The following ACSM5 variants were observed in gnomAD, a reference collection of about 807,000 sequenced individuals.
ACSM5 encodes acyl-coenzyme A synthetase ACSM5, mitochondrial.
In ACSM5, 56 loss-of-function variants were observed where a neutral mutation model predicts 71.6. The observed-to-expected ratio is 0.78, with a 90% confidence interval of 0.63 to 0.98. The LOEUF (loss-of-function observed/expected upper bound fraction) is 0.98. Among genes scored for constraint, ACSM5 ranks in the 50% least tolerant of loss-of-function variants. The probability of loss-of-function intolerance (pLI) is 0.00; values close to 1 mark genes in which losing one functional copy is unlikely to be tolerated. For synonymous variants in ACSM5, 285 were observed against 281.5 expected (o/e 1.01, Z -0.12); for missense variants, 723 against 726.0 (o/e 1.00, Z 0.05).
rs9652590 is a variant in ACSM5, at chr16:20,437,277, C to A, written c.1446C>A (p.Ile482=). 5 of 1,614,044 alleles carry A rather than the reference C, an allele frequency of 3.1e-6. No individual in the cohort carries two copies. The highest frequency in any genetic ancestry group is 1.6e-4 in the Middle Eastern group (1 of 6,082). ...DDVINSSSYR[I]GPVEVESALA... is the part of the protein sequence containing the mutation. ...TGTTTTTCCCTTCCAGCTACCGGATCGGGCCTGTTGAAGTGGAAAGTGCCC... is the reference window on the plus strand; with the variant it reads ...TGTTTTTCCCTTCCAGCTACCGGATAGGGCCTGTTGAAGTGGAAAGTGCCC... Residue 482 remains isoleucine (I), a synonymous_variant, in exon 12 of 14, where the codon ATC becomes ATA. Coordinates refer to ENST00000331849, the MANE Select transcript of ACSM5 (RefSeq NM_017888.3).
At chr16:20,419,619 G>C (rs1966869572) in intron 4 of ACSM5, 184 bp downstream of exon 4, 2 of 618,842 alleles carry the variant, frequency 3.2e-6, no homozygotes. Flanking sequence ...CCCTCATTCA[G>C]TCAGTGCTGG....
chr16:20,435,940 C>T (rs201676080), intron 10 of ACSM5, among the ~76,000 whole-genome samples: 11 of 87,634 alleles, frequency 1.3e-4, no homozygotes, highest in East Asian at 1.2e-3. Flanking sequence ...CTTTTCTTTC[C>T]TTCCTTCCTT....
chr16:20,424,534 C>T (rs1966939817), intron 6 of ACSM5, among the ~76,000 whole-genome samples: 1 of 145,614 alleles, frequency 6.9e-6, no homozygotes, highest in Non-Finnish European at 1.5e-5. Context: ...CACAGGTCAC[C>T]TTTCTTCCAC....
At chr16:20,431,887 G>A (rs185576402) in intron 10 of ACSM5, among the ~76,000 whole-genome samples, 3 of 151,876 alleles carry the variant, frequency 2.0e-5, no homozygotes, top group East Asian at 1.9e-4. Flanking sequence ...GGAGGTTGCC[G>A]TGAGCCAGGA....
intron 7 of ACSM5, among the ~76,000 whole-genome samples, chr16:20,428,789 A>C (rs551453783): frequency 4.6e-5 from 7 of 152,242 alleles, no homozygotes; most frequent in Non-Finnish European, 1.0e-4. Flanking sequence ...CTTTGGTAAT[A>C]ATAAGTAACT....
At chr16:20,421,510 A>C in intron 5 of ACSM5, 109 bp downstream of exon 5, 1 of 1,079,082 alleles carries the variant, frequency 9.3e-7, no homozygotes, top group Non-Finnish European at 1.2e-6. Context: ...GAGCCAACAG[A>C]ATTACTGAGA....
At chr16:20,431,824 G>T (rs368352126) in intron 10 of ACSM5, among the ~76,000 whole-genome samples, 9 of 152,014 alleles carry the variant, frequency 5.9e-5, no homozygotes, top group South Asian at 2.1e-4. Context: ...GGTGGCGCAC[G>T]CCTCTATTCC....
intron 5 of ACSM5, among the ~76,000 whole-genome samples, chr16:20,423,132 G>C (rs1260595381): frequency 6.6e-6 from 1 of 152,172 alleles, no homozygotes; most frequent in Non-Finnish European, 1.5e-5. Flanking sequence ...GATCAGCAAA[G>C]TGTAATATAA....
At chr16:20,420,249 T>G (rs1197244566) in intron 4 of ACSM5, among the ~76,000 whole-genome samples, 1 of 152,132 alleles carries the variant, frequency 6.6e-6, no homozygotes, top group Non-Finnish European at 1.5e-5. Flanking sequence ...AGGCCTCACA[T>G]CTGACCTACT....
chr16:20,432,341 ATG>A (rs1207452790), intron 10 of ACSM5, among the ~76,000 whole-genome samples: 1 of 152,106 alleles, frequency 6.6e-6, no homozygotes, highest in Non-Finnish European at 1.5e-5. Flanking sequence ...ATGCCATCTC[ATG>A]TGTCTACTAA....
In ACSM5 at chr16:20,427,776, G is replaced by T. The variant is rs774905409; in HGVS notation, c.922-12G>T. Reference sequence around the variant, plus strand: ...ATTCTAAGGACATCTTTCACCCTTTGTTTTTGTTTAGACTCTCTCCAAATT... The same window carrying T: ...ATTCTAAGGACATCTTTCACCCTTTTTTTTTGTTTAGACTCTCTCCAAATT... On this transcript the variant is annotated splice_polypyrimidine_tract_variant and intron_variant, in intron 6 of 13. Coordinates refer to ENST00000331849, the MANE Select transcript of ACSM5 (RefSeq NM_017888.3). The T allele has an allele frequency of 6.3e-7, 1 of 1,597,770 alleles. No homozygotes were observed. Among genetic ancestry groups the T allele is most frequent in the Non-Finnish European group, 8.6e-7 (1 of 1,165,220 alleles).
At chr16:20,433,474 A>C (rs1967139518) in intron 10 of ACSM5, among the ~76,000 whole-genome samples, 1 of 152,224 alleles carries the variant, frequency 6.6e-6, no homozygotes, top group South Asian at 2.1e-4. Flanking sequence ...TGTTTATAAC[A>C]GATAAAAAAG....
intron 10 of ACSM5, among the ~76,000 whole-genome samples, chr16:20,435,913 C>CCTTT (rs757307223): frequency 1.6e-4 from 24 of 150,558 alleles, no homozygotes; most frequent in East Asian, 4.0e-4. Context: ...TCCCACCCTC[C>CCTTT]CTTTCTTTCT....
chr16:20,435,193 T>C (rs1348714200), intron 10 of ACSM5, among the ~76,000 whole-genome samples: 2 of 152,038 alleles, frequency 1.3e-5, no homozygotes, highest in South Asian at 2.1e-4. Flanking sequence ...CCGCCACACC[T>C]GGCTAGTTTT....
intron 10 of ACSM5, among the ~76,000 whole-genome samples, chr16:20,433,283 T>G (rs555867817): frequency 7.9e-4 from 121 of 152,360 alleles, no homozygotes; most frequent in African/African-American, 2.8e-3. Flanking sequence ...GCTAAGCTCA[T>G]TCTCCCCCTA....
Position 20,421,327 on chromosome 16 carries a change from C to A in ACSM5, c.693C>A (p.Ser231Arg). 1 of 1,609,726 alleles carries A rather than the reference C, an allele frequency of 6.2e-7. No individual in the cohort carries two copies. Among genetic ancestry groups the A allele is most frequent in the South Asian group, 1.1e-5 (1 of 90,304 alleles). The change falls in exon 5 of 14, where the codon AGC (serine) becomes AGA (arginine). Residue 231 changes from serine to arginine, a missense_variant. Transcript: ENST00000331849. ...SRDPLAIYFT[S>R]GTTGAPKMVE... ...ACCCGCTGGCCATCTACTTTACCAG[C>A]GGAACCACCGGGGCCCCCAAGATGG...
chr16:20,431,388 G>A (rs1453623097), intron 10 of ACSM5, 67 bp downstream of exon 10: 2 of 1,262,056 alleles, frequency 1.6e-6, no homozygotes, highest in African/African-American at 2.9e-5. Context: ...ACCACACTTT[G>A]TAAATATCTA....
At chr16:20,428,970 TTTTCTTTTCTTTCC>T (rs1387485726) in intron 7 of ACSM5, among the ~76,000 whole-genome samples, 2 of 151,658 alleles carry the variant, frequency 1.3e-5, no homozygotes, top group African/African-American at 2.4e-5. Context: ...ATCTTTTCCA[TTTTCTTTTCTTTCC>T]TTTCTTTTCC....
chr16:20,423,849 G>A lies in ACSM5; in HGVS notation c.768-67G>A, dbSNP rs185993419. ...GCAGGGCTCCAAATGTGGTGATATA[G>A]ATAATACAATCCTTTTTAAAGGTAG... On this transcript the variant is annotated intron_variant, in intron 5 of 13. Coordinates refer to ENST00000331849, the MANE Select transcript of ACSM5 (RefSeq NM_017888.3). 42 of 1,587,878 alleles carry A rather than the reference G, an allele frequency of 2.6e-5. No individual in the cohort carries two copies. In the Admixed American group the frequency reaches 7.2e-4, roughly 27 times the overall value.
Sources: gnomAD v4.1 joint callset for allele counts (sites outside exome capture counted in the v4.1 genomes callset) on GRCh38, gnomAD v4.1.1 for gene constraint, MANE v1.5 for transcripts, NCBI Gene and HGNC (gene_info 2026-07-23, HGNC 2026-07-21) for gene names.